Variants in SLC44A5 observed in about 807,000 individuals in gnomAD.
SLC44A5 encodes the protein choline transporter-like protein 5.
Under a neutral mutation model 101.8 loss-of-function variants are expected in SLC44A5, and 57 were observed. That is an observed-to-expected ratio of 0.56 (90% CI 0.45 to 0.70). SLC44A5 has a LOEUF of 0.70. Among genes scored for constraint, SLC44A5 ranks in the 30% least tolerant of loss-of-function variants. SLC44A5 has a pLI of 0.00. For missense variants in SLC44A5, 737 were observed against 853.1 expected, an observed-to-expected ratio of 0.86 and a Z score of 1.70; for synonymous variants, 281 against 290.9, an observed-to-expected ratio of 0.97 and a Z score of 0.35.
the SLC44A5 span, among the ~76,000 whole-genome samples, chr1:75,661,387 T>TAAAAAAAAAAAAAAAA: frequency 2.6e-4 from 14 of 53,610 alleles, 1 homozygote; most frequent in African/African-American, 4.3e-4. Context: ...CTACTGCAAG[T>TAAAAAAAAAAAAAAAA]AAAAAAAAAA....
At chr1:75,551,363 T>C (rs1671927175) in intron 1 of SLC44A5, among the ~76,000 whole-genome samples, 1 of 152,162 alleles carries the variant, frequency 6.6e-6, no homozygotes. Context: ...TGAGCTCCAA[T>C]AACCGTATGA....
At chr1:75,256,790 CAAG>C (rs1295776502) in intron 6 of SLC44A5, among the ~76,000 whole-genome samples, 1 of 151,948 alleles carries the variant, frequency 6.6e-6, no homozygotes, top group Non-Finnish European at 1.5e-5. Context: ...GTTAGCAGAA[CAAG>C]AAGTAGAGGT....
chr1:75,316,316 T>A (rs772109129), intron 4 of SLC44A5, among the ~76,000 whole-genome samples: 1 of 152,250 alleles, frequency 6.6e-6, no homozygotes, highest in Non-Finnish European at 1.5e-5. Flanking sequence ...GCTCAACTAA[T>A]AATGGCTATC....
intron 1 of SLC44A5, among the ~76,000 whole-genome samples, chr1:75,577,762 G>A (rs545238064): frequency 6.6e-6 from 1 of 152,092 alleles, no homozygotes; most frequent in South Asian, 2.1e-4. Context: ...ATTCCTCATT[G>A]TATATCCCCA....
chr1:75,480,107 T>C (rs1269621327), intron 2 of SLC44A5, among the ~76,000 whole-genome samples: 1 of 152,104 alleles, frequency 6.6e-6, no homozygotes, highest in African/African-American at 2.4e-5. Context: ...TATATGCAAA[T>C]CAATAAATGT....
In SLC44A5 at chr1:75,389,509, G is replaced by A. The variant is rs561111039; in HGVS notation, c.52+7074C>T. Among the ~76,000 whole-genome samples the A allele has an allele frequency of 2.9e-3, 445 of 152,062 alleles. 4 individuals are homozygous for A. Among genetic ancestry groups the A allele is most frequent in the African/African-American group, 0.01 (420 of 41,504 alleles). On this transcript the variant is annotated intron_variant, in intron 3 of 23. Coordinates refer to ENST00000370859, the MANE Select transcript of SLC44A5 (RefSeq NM_001130058.2). ...CAGTGGAATAAAAATATATATCAAC[G>A]CCAAGAGGATTTCTCAAAACCACAC...
Position 75,219,652 on chromosome 1 carries a change from T to G in SLC44A5, c.1178+148A>C, listed in dbSNP as rs888033637. ...TTGAGGGGAAATTCAATCGGTAGAT[T>G]GAAACGTTTTTAGAGCTTGGGAAAA... is the stretch of plus-strand genomic sequence containing the variant. On this transcript the variant is annotated intron_variant, in intron 15 of 23. Transcript: ENST00000370859. The G allele has an allele frequency of 8.0e-6, 5 of 624,614 alleles. No individual in the cohort carries two copies. In the African/African-American group the frequency reaches 9.3e-5, roughly 12 times the overall value. The allele number at this position is 624,614 out of a possible 1,614,324, so 38.7% of individuals were successfully genotyped here.
At position 75,539,591 on chromosome 1, in the gene SLC44A5, C is replaced by CAA. The variant is rs35332749; in HGVS notation, c.13+1842_13+1843dup. ...TCATTCCCTGCGTATGTAAAAACTGCAAAAAAAAAATGGAATTTAAAAATA... is the reference window on the plus strand; with the variant it reads ...TCATTCCCTGCGTATGTAAAAACTGCAAAAAAAAAAAATGGAATTTAAAAATA... On this transcript the variant is annotated intron_variant, in intron 2 of 23. Coordinates refer to ENST00000370859, the MANE Select transcript of SLC44A5 (RefSeq NM_001130058.2). Among the ~76,000 whole-genome samples the CAA allele has an allele frequency of 4.0e-3, 599 of 150,140 alleles. 5 individuals carry two copies. Among genetic ancestry groups the CAA allele is most frequent in the African/African-American group, 0.012 (487 of 40,820 alleles).
chr1:75,706,347 G>A, the SLC44A5 span, among the ~76,000 whole-genome samples: 1 of 152,100 alleles, frequency 6.6e-6, no homozygotes, highest in African/African-American at 2.4e-5. Context: ...ATTTGATGAG[G>A]TTCTTCTTTT....
At chr1:75,506,015 A>G (rs74592222) in intron 2 of SLC44A5, among the ~76,000 whole-genome samples, 11,684 of 152,108 alleles carry the variant, frequency 0.077, 626 homozygotes, top group Middle Eastern at 0.13. Context: ...TCCATCTCAC[A>G]TTAATTTTTG....
At chr1:75,366,699 CT>C (rs34253526) in intron 3 of SLC44A5, among the ~76,000 whole-genome samples, 74,479 of 151,732 alleles carry the variant, frequency 0.49, 19,907 homozygotes, top group East Asian at 0.94. Flanking sequence ...GCGCTGTATG[CT>C]TTTTTCACTC....
intron 2 of SLC44A5, among the ~76,000 whole-genome samples, chr1:75,422,620 A>T (rs1218742565): frequency 4.6e-5 from 7 of 152,214 alleles, no homozygotes; most frequent in Non-Finnish European, 7.3e-5. Context: ...ACCAATAGAA[A>T]TGGGAATGTC....
chr1:75,623,255 T>C, the SLC44A5 span, among the ~76,000 whole-genome samples: 10 of 152,086 alleles, frequency 6.6e-5, no homozygotes, highest in African/African-American at 2.4e-4. Context: ...GGGCAACATA[T>C]AGCATAATTT....
chr1:75,216,187 C>T (rs607167), intron 18 of SLC44A5, among the ~76,000 whole-genome samples: 132,999 of 151,948 alleles, frequency 0.88, 58,379 homozygotes, highest in East Asian at 0.99. Flanking sequence ...ATTTGCTTCT[C>T]CTAGGTGCTT....
chr1:75,665,477 G>A, the SLC44A5 span, among the ~76,000 whole-genome samples: 1 of 152,166 alleles, frequency 6.6e-6, no homozygotes, highest in Non-Finnish European at 1.5e-5. Flanking sequence ...ATATTTAAAT[G>A]TAAGATCTCA....
At chr1:75,458,543 T>C (rs568196848) in intron 2 of SLC44A5, among the ~76,000 whole-genome samples, 1 of 152,194 alleles carries the variant, frequency 6.6e-6, no homozygotes, top group South Asian at 2.1e-4. Context: ...ACTGTGATAA[T>C]TTGATCAAAG....
At chr1:75,663,329 A>T in the SLC44A5 span, among the ~76,000 whole-genome samples, 1 of 152,140 alleles carries the variant, frequency 6.6e-6, no homozygotes, top group Non-Finnish European at 1.5e-5. Context: ...ATCATGTGAG[A>T]ATACAAAGAC....
At chr1:75,614,081 A>C (rs1409484886), upstream of SLC44A5, among the ~76,000 whole-genome samples, 1 of 152,244 alleles carries the variant, frequency 6.6e-6, no homozygotes, top group East Asian at 1.9e-4. Flanking sequence ...GGATAGCCAC[A>C]TCAGCAGTGC....
At chr1:75,341,273 G>A (rs1006765354) in intron 3 of SLC44A5, among the ~76,000 whole-genome samples, 1 of 152,160 alleles carries the variant, frequency 6.6e-6, no homozygotes, top group Non-Finnish European at 1.5e-5. Flanking sequence ...AGCCAAGGCT[G>A]GTGGACTGCT....
Sources: allele counts gnomAD v4.1 joint callset (sites outside exome capture counted in the v4.1 genomes callset), GRCh38; gene constraint gnomAD v4.1.1; transcripts MANE v1.5; gene names NCBI Gene and HGNC (gene_info 2026-07-23, HGNC 2026-07-21).